Variants in DENND4A observed in about 807,000 individuals in gnomAD.
DENND4A encodes the protein C-myc promoter-binding protein.
Under a neutral mutation model 199.3 loss-of-function variants are expected in DENND4A, and 70 were observed. That is an observed-to-expected ratio of 0.35 (90% CI 0.29 to 0.43). The LOEUF is 0.43. Ranked by LOEUF, DENND4A falls within the 20% of genes least tolerant of loss-of-function variation. DENND4A has a pLI of 1.00. For synonymous variants in DENND4A, 686 were observed against 766.9 expected (o/e 0.89, Z 1.74); for missense variants, 1,723 against 2,255.8 (o/e 0.76, Z 4.78).
chr15:65,749,089 GA>G (rs200152937), intron 4 of DENND4A, among the ~76,000 whole-genome samples: 2 of 150,148 alleles, frequency 1.3e-5, no homozygotes, highest in Non-Finnish European at 3.0e-5. Flanking sequence ...ACAAAATTAT[GA>G]AAAAAAAACC....
chr15:65,775,777 C>T (rs567211752), intron 1 of DENND4A, among the ~76,000 whole-genome samples: 17 of 151,922 alleles, frequency 1.1e-4, no homozygotes, highest in African/African-American at 1.9e-4. Context: ...GTACAACTGC[C>T]TCTTGAAAAA....
chr15:65,716,323 C>T (rs2075399034), intron 13 of DENND4A, among the ~76,000 whole-genome samples: 1 of 150,944 alleles, frequency 6.6e-6, no homozygotes, highest in South Asian at 2.1e-4. Flanking sequence ...TATACATGTG[C>T]CATGTTGGTG....
intron 11 of DENND4A, among the ~76,000 whole-genome samples, chr15:65,725,378 T>C (rs1358969656): frequency 1.3e-5 from 2 of 151,970 alleles, no homozygotes; most frequent in Admixed American, 6.6e-5. Flanking sequence ...GTCAGAAGGG[T>C]TAATAAGAAC....
intron 15 of DENND4A, 40 bp from the exon 16 acceptor site, chr15:65,703,048 C>G (rs755872828): frequency 1.9e-6 from 3 of 1,586,818 alleles, no homozygotes; most frequent in Non-Finnish European, 2.6e-6. Context: ...AAAGAGTTCT[C>G]AAGCACACAT....
chr15:65,677,633 T>C (rs1305580720), intron 23 of DENND4A, among the ~76,000 whole-genome samples: 2 of 152,240 alleles, frequency 1.3e-5, no homozygotes, highest in Non-Finnish European at 2.9e-5. Flanking sequence ...TGCACTTAAA[T>C]ATCTAATCCA....
At position 65,792,131 on chromosome 15, in the gene DENND4A, T is replaced by TC. The variant is rs1313877767; in HGVS notation, c.-224dup. On this transcript the variant is annotated 5_prime_UTR_variant, in exon 1 of 33. Coordinates refer to ENST00000443035, the MANE Select transcript of DENND4A (RefSeq NM_001320835.1). ...CGGCGCTCTGAGCCCGCTTAGCTCA[T>TC]CCCCAGCCCGGCGCTCCGCCCTTCG... 1.3e-5 allele frequency: 2 copies of TC among 152,792 alleles called. No individual in the cohort carries two copies. Among genetic ancestry groups the TC allele is most frequent in the African/African-American group, 2.4e-5 (1 of 41,302 alleles). The allele number at this position is 152,792 out of a possible 1,614,324, so 9.5% of individuals were successfully genotyped here.
At chr15:65,700,341 T>C (rs1029716441) in intron 20 of DENND4A, among the ~76,000 whole-genome samples, 13 of 152,208 alleles carry the variant, frequency 8.5e-5, no homozygotes, top group Admixed American at 2.6e-4. Flanking sequence ...ATAACCTCTC[T>C]TAAAACTTTT....
intron 5 of DENND4A, among the ~76,000 whole-genome samples, chr15:65,739,999 G>C (rs1032872651): frequency 6.6e-6 from 1 of 151,902 alleles, no homozygotes; most frequent in Non-Finnish European, 1.5e-5. Context: ...TGGACAACAC[G>C]GTGAAACCCC....
chr15:65,719,832 C>T (rs924270036), intron 12 of DENND4A, among the ~76,000 whole-genome samples: 1 of 151,928 alleles, frequency 6.6e-6, no homozygotes, highest in African/African-American at 2.4e-5. Context: ...GAGCTTGTGG[C>T]TGCCATAAAC....
chr15:65,689,607 T>C (rs2076904442), intron 23 of DENND4A, among the ~76,000 whole-genome samples: 1 of 152,186 alleles, frequency 6.6e-6, no homozygotes, highest in Non-Finnish European at 1.5e-5. Context: ...ACTGAGGCCC[T>C]CCTCCCTCTG....
At position 65,659,723 on chromosome 15, in the gene DENND4A, G is replaced by A. The variant is rs1351405136; in HGVS notation, c.*2128C>T. Reference sequence around the variant, plus strand: ...TGTTTTAGGTTTTAAGACTAAATCTGTGCAATAATATTCCCTAGGGATTAA... The same window carrying A: ...TGTTTTAGGTTTTAAGACTAAATCTATGCAATAATATTCCCTAGGGATTAA... On this transcript the variant is annotated 3_prime_UTR_variant, in exon 33 of 33. Coordinates refer to ENST00000443035, the MANE Select transcript of DENND4A (RefSeq NM_001320835.1). 1 of 152,876 alleles carries A rather than the reference G, an allele frequency of 6.5e-6. No homozygotes were observed. Among genetic ancestry groups the A allele is most frequent in the African/African-American group, 2.4e-5 (1 of 41,394 alleles). 9.5% of individuals were successfully genotyped at this position (152,876 alleles called of 1,614,324 possible).
At chr15:65,680,284 A>G (rs548433426) in intron 23 of DENND4A, among the ~76,000 whole-genome samples, 1 of 152,116 alleles carries the variant, frequency 6.6e-6, no homozygotes, top group East Asian at 1.9e-4. Flanking sequence ...ATCCAGTTTC[A>G]TTTGCTTTCT....
chr15:65,685,705 G>A (rs2076753982), intron 23 of DENND4A, among the ~76,000 whole-genome samples: 1 of 152,040 alleles, frequency 6.6e-6, no homozygotes, highest in Admixed American at 6.5e-5. Flanking sequence ...ATCCATGGAA[G>A]CAGAACTTGC....
At chr15:65,757,834 T>C (rs1734141263) in intron 2 of DENND4A, among the ~76,000 whole-genome samples, 1 of 151,916 alleles carries the variant, frequency 6.6e-6, no homozygotes, top group South Asian at 2.1e-4. Flanking sequence ...AATACAAAAT[T>C]AGCCAGGCGT....
At chr15:65,738,096 C>T (rs1345476176) in intron 6 of DENND4A, among the ~76,000 whole-genome samples, 151 bp from the exon 7 acceptor site, 1 of 152,144 alleles carries the variant, frequency 6.6e-6, no homozygotes, top group Non-Finnish European at 1.5e-5. Context: ...CTCCTGCTTT[C>T]TTGATGTATC....
rs752155051 is a variant in DENND4A, at chr15:65,670,142, A to T, written c.4511T>A (p.Val1504Asp). 1.3e-6 allele frequency: 2 copies of T among 1,591,734 alleles called. No individual in the cohort carries two copies. The highest frequency in any genetic ancestry group is 1.7e-6 in the Non-Finnish European group (2 of 1,168,388). ...GCCAGCCATGATTTCCTCATCATGG[A>T]CAAGACAATCACAAGTTCTACACCG... ...CSRCRTCDCL[V>D]HDEEIMAGWT... Residue 1504 changes from valine (V) to aspartate (D), a missense_variant, in exon 26 of 33, where the codon GTC becomes GAC. Around this residue, in one of 6 missense-constraint regions of DENND4A, gnomAD observed 650 missense variants for 738.1 expected, o/e 0.88. Transcript: ENST00000443035.
At chr15:65,699,592 C>T (rs1479291305) in intron 20 of DENND4A, among the ~76,000 whole-genome samples, 1 of 149,350 alleles carries the variant, frequency 6.7e-6, no homozygotes, top group Non-Finnish European at 1.5e-5. Flanking sequence ...AATACATATA[C>T]ATATGTGTAT....
intron 24 of DENND4A, among the ~76,000 whole-genome samples, chr15:65,675,975 G>A (rs1348847421): frequency 6.6e-6 from 1 of 151,764 alleles, no homozygotes; most frequent in African/African-American, 2.4e-5. Context: ...CACACATGAT[G>A]TATAACTATA....
chr15:65,791,185 C>T (rs2077709284), intron 1 of DENND4A, among the ~76,000 whole-genome samples: 1 of 152,172 alleles, frequency 6.6e-6, no homozygotes, highest in Non-Finnish European at 1.5e-5. Context: ...GATGCCTGTC[C>T]TGCTGTTGCA....
Sources: allele counts gnomAD v4.1 joint callset (sites outside exome capture counted in the v4.1 genomes callset), GRCh38; gene constraint gnomAD v4.1.1; regional missense constraint gnomAD v4.1.1; transcripts MANE v1.5; gene names NCBI Gene and HGNC (gene_info 2026-07-23, HGNC 2026-07-21).